The following TMPRSS7 variants were observed in gnomAD, a reference collection of about 807,000 sequenced individuals.
The protein encoded by TMPRSS7 is transmembrane serine protease 7.
A neutral mutation model predicts 95.6 loss-of-function variants in TMPRSS7; 81 were observed. The ratio of observed to expected loss-of-function variants is 0.85; its 90% CI spans 0.71 to 1.02. TMPRSS7 has a LOEUF of 1.02. TMPRSS7 is among the 50% of genes least tolerant of loss of function. TMPRSS7 has a pLI of 0.00. For missense variants in TMPRSS7, 945 were observed against 955.2 expected (o/e 0.99, Z 0.14); for synonymous variants, 364 against 337.8 (o/e 1.08, Z -0.85).
At chr3:112,043,654 G>A (rs2073239536) in intron 3 of TMPRSS7, among the ~76,000 whole-genome samples, 1 of 152,186 alleles carries the variant, frequency 6.6e-6, no homozygotes, top group Non-Finnish European at 1.5e-5. Context: ...AATGACTGGG[G>A]AGAAGAGAGT....
At chr3:112,057,750 G>C (rs1446810708) in intron 10 of TMPRSS7, among the ~76,000 whole-genome samples, 2 of 152,022 alleles carry the variant, frequency 1.3e-5, no homozygotes, top group African/African-American at 4.8e-5. Context: ...TTTTGAGACA[G>C]AGTTTTGCTC....
intron 9 of TMPRSS7, among the ~76,000 whole-genome samples, chr3:112,053,956 A>G (rs2073397862): frequency 6.6e-6 from 1 of 152,338 alleles, no homozygotes; most frequent in East Asian, 1.9e-4. Context: ...GAATTGTTTT[A>G]TCACAAAAGT....
chr3:112,077,710 T>C (rs765426201), intron 16 of TMPRSS7, among the ~76,000 whole-genome samples: 1 of 152,068 alleles, frequency 6.6e-6, no homozygotes, highest in Non-Finnish European at 1.5e-5. Flanking sequence ...GATACCTTTT[T>C]GCTATTTCTC....
intron 1 of TMPRSS7, among the ~76,000 whole-genome samples, chr3:112,037,528 C>T (rs1033536720): frequency 2.0e-5 from 3 of 152,120 alleles, no homozygotes; most frequent in African/African-American, 7.2e-5. Context: ...CTAGTTTCAC[C>T]CTGACCTTGT....
chr3:112,061,720 A>C, intron 10 of TMPRSS7, 67 bp from the exon 11 acceptor site: 1 of 1,506,252 alleles, frequency 6.6e-7, no homozygotes, highest in African/African-American at 1.4e-5. Context: ...TAGAGAATTC[A>C]CCATGAATGG....
At chr3:112,065,111 G>A (rs1034049095) in intron 12 of TMPRSS7, among the ~76,000 whole-genome samples, 5 of 152,162 alleles carry the variant, frequency 3.3e-5, no homozygotes, top group Admixed American at 2.6e-4. Flanking sequence ...TGTGATCATA[G>A]CTCACTGCAG....
intron 13 of TMPRSS7, among the ~76,000 whole-genome samples, chr3:112,072,418 A>G (rs1268405626): frequency 6.6e-6 from 1 of 152,228 alleles, no homozygotes; most frequent in Non-Finnish European, 1.5e-5. Context: ...TAGGCTACAC[A>G]GGGGTCAGGG....
chr3:112,073,535 T>TTC (rs2073677387), intron 13 of TMPRSS7, among the ~76,000 whole-genome samples: 1 of 152,220 alleles, frequency 6.6e-6, no homozygotes, highest in South Asian at 2.1e-4. Context: ...CATAAATGTC[T>TTC]TCTTTTGAGA....
chr3:112,042,897 C>T (rs990693437), intron 3 of TMPRSS7: 7 of 406,900 alleles, frequency 1.7e-5, no homozygotes, highest in Admixed American at 1.0e-4. Flanking sequence ...CCAACTAGAA[C>T]GTTGCTGTCA....
chr3:112,041,289 C>T (rs1467250648), intron 2 of TMPRSS7, among the ~76,000 whole-genome samples: 1 of 152,162 alleles, frequency 6.6e-6, no homozygotes, highest in African/African-American at 2.4e-5. Flanking sequence ...CCTACACTTC[C>T]TAGGGCTAAA....
chr3:112,080,972 C>G (rs1025109356), exon 18 of TMPRSS7: 1 of 1,613,768 alleles, frequency 6.2e-7, no homozygotes, highest in Non-Finnish European at 8.5e-7. Flanking sequence ...TGGATTTTGA[C>G]TGGCATTGTT....
intron 13 of TMPRSS7, 108 bp downstream of exon 13, chr3:112,066,610 G>C (rs2073579410): frequency 2.0e-6 from 2 of 986,476 alleles, no homozygotes; most frequent in Non-Finnish European, 3.1e-6. Context: ...CTTGTCCCAG[G>C]TTCTCTGGAA....
At chr3:112,047,344 T>G in intron 6 of TMPRSS7, 1 of 588,102 alleles carries the variant, frequency 1.7e-6, no homozygotes, top group Non-Finnish European at 3.2e-6. Flanking sequence ...TCCAAACTTA[T>G]AATTTATCAT....
At position 112,050,791 on chromosome 3, in the gene TMPRSS7, A is replaced by T; in HGVS notation, c.1203+8A>T. 1 of 1,478,542 alleles carries T rather than the reference A, an allele frequency of 6.8e-7. No individual in the cohort carries two copies. The highest frequency in any genetic ancestry group is 1.2e-5 in the South Asian group (1 of 82,574). The allele number at this position is 1,478,542 out of a possible 1,614,324, so 91.6% of individuals were successfully genotyped here. On this transcript the variant is annotated splice_region_variant and intron_variant, in intron 9 of 17. Transcript: ENST00000452346. ...TGTACCTGGAAATTTCAGGTAGCCT[A>T]GTTCTACCAGTGTCTTAGAAAAATA...
chr3:112,068,464 T>A (rs2073603234), intron 13 of TMPRSS7, among the ~76,000 whole-genome samples: 1 of 152,238 alleles, frequency 6.6e-6, no homozygotes, highest in Non-Finnish European at 1.5e-5. Context: ...GAGCATGGAA[T>A]GTTCTTCCAT....
At chr3:112,067,701 T>A (rs1201021485) in intron 13 of TMPRSS7, among the ~76,000 whole-genome samples, 2 of 152,222 alleles carry the variant, frequency 1.3e-5, no homozygotes, top group Non-Finnish European at 2.9e-5. Flanking sequence ...TGTAAATTTG[T>A]TTGAGTTCTT....
chr3:112,057,033 A>G (rs748818113), exon 10 of TMPRSS7: 4 of 1,604,696 alleles, frequency 2.5e-6, no homozygotes, highest in Admixed American at 1.7e-5. Flanking sequence ...AGACTTCTCT[A>G]TCAACTCTTG....
At chr3:112,080,814 C>T in intron 17 of TMPRSS7, 100 bp from the exon 18 acceptor site, 1 of 1,191,628 alleles carries the variant, frequency 8.4e-7, no homozygotes, top group East Asian at 2.7e-5. Flanking sequence ...AAAAACATGT[C>T]ATTAGAGGAC....
Position 112,054,729 on chromosome 3 carries a change from C to CTTTTTTTTTTTTT in TMPRSS7, c.1204-2279_1204-2267dup, listed in dbSNP as rs1161735611. Reference sequence around the variant, plus strand: ...AACATATTTACTATCTCTCAGTTTGCTTTTTTTTTTTTTTTTTTTTTTTTT... The same window carrying CTTTTTTTTTTTTT: ...AACATATTTACTATCTCTCAGTTTGCTTTTTTTTTTTTTTTTTTTTTTTTTTTTTTTTTTTTTT... On this transcript the variant is annotated intron_variant, in intron 9 of 17. Transcript: ENST00000452346. Among the ~76,000 whole-genome samples, 154 of 49,026 alleles carry CTTTTTTTTTTTTT rather than the reference C, an allele frequency of 3.1e-3. 61 individuals are homozygous for CTTTTTTTTTTTTT. The highest frequency in any genetic ancestry group is 7.9e-3 in the East Asian group (9 of 1,136). 32.2% of individuals were successfully genotyped at this position (49,026 alleles called of 152,430 possible).
Sources: gnomAD v4.1 joint callset for allele counts (sites outside exome capture counted in the v4.1 genomes callset) on GRCh38, gnomAD v4.1.1 for gene constraint, MANE v1.5 for transcripts, NCBI Gene and HGNC (gene_info 2026-07-23, HGNC 2026-07-21) for gene names.